Variants in SNTG1 observed in about 807,000 individuals in gnomAD.
SNTG1 encodes gamma-1-syntrophin.
In SNTG1, 39 loss-of-function variants were observed where a neutral mutation model predicts 74.7. That is an observed-to-expected ratio of 0.52 (90% CI 0.40 to 0.68). SNTG1 has a LOEUF of 0.68. SNTG1 is among the 30% of genes least tolerant of loss of function. The probability of loss-of-function intolerance (pLI) is 0.00; values close to 1 mark genes in which losing one functional copy is unlikely to be tolerated. For synonymous variants in SNTG1, 254 were observed against 217.1 expected (o/e 1.17, Z -1.49); for missense variants, 685 against 609.5 (o/e 1.12, Z -1.30).
chr8:50,116,351 T>A (rs2080820566), intron 1 of SNTG1, among the ~76,000 whole-genome samples: 1 of 152,178 alleles, frequency 6.6e-6, no homozygotes, highest in African/African-American at 2.4e-5. Flanking sequence ...AATTTCAGCA[T>A]AAAATTTGTC....
At chr8:50,148,477 A>C (rs746409827) in intron 1 of SNTG1, among the ~76,000 whole-genome samples, 11 of 152,188 alleles carry the variant, frequency 7.2e-5, no homozygotes, top group Non-Finnish European at 1.6e-4. Context: ...TTACATATGT[A>C]TACATATGCC....
chr8:50,628,790 AACTT>A (rs1157325644), intron 13 of SNTG1, among the ~76,000 whole-genome samples: 1 of 152,182 alleles, frequency 6.6e-6, no homozygotes, highest in Admixed American at 6.5e-5. Flanking sequence ...TTTGAAGTAA[AACTT>A]AGAATGACAT....
intron 2 of SNTG1, among the ~76,000 whole-genome samples, chr8:50,330,711 G>A (rs1271157902): frequency 6.6e-6 from 1 of 152,166 alleles, no homozygotes; most frequent in East Asian, 1.9e-4. Context: ...GGCTGGGGAG[G>A]CCTCAGGAAA....
intron 1 of SNTG1, among the ~76,000 whole-genome samples, chr8:49,928,021 C>CG (rs1392542321): frequency 6.6e-6 from 1 of 151,202 alleles, no homozygotes; most frequent in Admixed American, 6.6e-5. Flanking sequence ...CCCAGCTACT[C>CG]GGGGGGCTGA....
intron 2 of SNTG1, among the ~76,000 whole-genome samples, chr8:50,268,329 G>A (rs987216769): frequency 6.6e-6 from 1 of 152,076 alleles, no homozygotes; most frequent in Non-Finnish European, 1.5e-5. Context: ...CACAGTAAAG[G>A]TGCCAATTCA....
At chr8:50,368,898 A>G (rs1350778323) in intron 2 of SNTG1, among the ~76,000 whole-genome samples, 1 of 152,130 alleles carries the variant, frequency 6.6e-6, no homozygotes, top group Non-Finnish European at 1.5e-5. Flanking sequence ...TGCCTCTCCC[A>G]TTATTGTATT....
intron 8 of SNTG1, among the ~76,000 whole-genome samples, chr8:50,455,565 C>T (rs2093497355): frequency 6.6e-6 from 1 of 152,106 alleles, no homozygotes; most frequent in African/African-American, 2.4e-5. Flanking sequence ...AAACCTAATG[C>T]AAAAATCCTG....
At chr8:50,522,243 G>C (rs1320756174) in intron 9 of SNTG1, among the ~76,000 whole-genome samples, 1 of 152,022 alleles carries the variant, frequency 6.6e-6, no homozygotes, top group African/African-American at 2.4e-5. Flanking sequence ...AGTAGTCTTG[G>C]GTGTCCAGGA....
chr8:50,702,934 TA>T (rs947957838), intron 15 of SNTG1, among the ~76,000 whole-genome samples: 78 of 150,104 alleles, frequency 5.2e-4, no homozygotes, highest in East Asian at 9.8e-4. Flanking sequence ...CTAAAAGATT[TA>T]AAAAAAAAAT....
chr8:50,218,499 C>G (rs2084905141), intron 2 of SNTG1, among the ~76,000 whole-genome samples: 1 of 151,678 alleles, frequency 6.6e-6, no homozygotes, highest in Non-Finnish European at 1.5e-5. Flanking sequence ...AACTATTTTT[C>G]TTAAAGGCAT....
chr8:50,660,241 G>GGAAGGAAA (rs2095211827), intron 15 of SNTG1, among the ~76,000 whole-genome samples: 1 of 144,200 alleles, frequency 6.9e-6, no homozygotes, highest in Admixed American at 7.1e-5. Flanking sequence ...AAGGAAAGAA[G>GGAAGGAAA]GAAGGAAAGA....
At chr8:50,760,965 G>A (rs1290638383) in intron 18 of SNTG1, among the ~76,000 whole-genome samples, 1 of 151,898 alleles carries the variant, frequency 6.6e-6, no homozygotes, top group Non-Finnish European at 1.5e-5. Context: ...CTGGTACCAT[G>A]CCTTCTGAAA....
intron 8 of SNTG1, among the ~76,000 whole-genome samples, chr8:50,454,453 C>T (rs2093484850): frequency 6.6e-6 from 1 of 152,072 alleles, no homozygotes; most frequent in Non-Finnish European, 1.5e-5. Context: ...GCTGAGATCA[C>T]ACCACTGCAC....
chr8:50,515,106 A>G (rs2094119769), intron 9 of SNTG1, among the ~76,000 whole-genome samples: 1 of 152,166 alleles, frequency 6.6e-6, no homozygotes, highest in South Asian at 2.1e-4. Context: ...TGTGCTCATC[A>G]TTAAATATAA....
intron 2 of SNTG1, among the ~76,000 whole-genome samples, chr8:50,386,533 G>T (rs1011638623): frequency 6.6e-6 from 1 of 151,896 alleles, no homozygotes; most frequent in Non-Finnish European, 1.5e-5. Flanking sequence ...CATTTGTATT[G>T]CTATAAAGGA....
chr8:50,384,215 G>T (rs1345292237), intron 2 of SNTG1, among the ~76,000 whole-genome samples: 1 of 152,136 alleles, frequency 6.6e-6, no homozygotes, highest in Non-Finnish European at 1.5e-5. Context: ...AAAGGCCATT[G>T]CACTGCTCTA....
Position 50,734,016 on chromosome 8 carries a change from T to A in SNTG1, c.1285-17985T>A, listed in dbSNP as rs80165152. Reference sequence around the variant, plus strand: ...ATAACTTAGATTGCTTAAATTACTTTACTTTTTGAAATATGAGAGATTTGC... The same window carrying A: ...ATAACTTAGATTGCTTAAATTACTTAACTTTTTGAAATATGAGAGATTTGC... On this transcript the variant is annotated intron_variant, in intron 17 of 18. Transcript: ENST00000642720. Among the ~76,000 whole-genome samples, 194 of 151,954 alleles carry A rather than the reference T, an allele frequency of 1.3e-3. 3 individuals are homozygous for A. In the East Asian group the frequency reaches 0.036, roughly 28 times the overall value.
At chr8:50,664,251 G>A (rs1275242088) in intron 15 of SNTG1, among the ~76,000 whole-genome samples, 1 of 152,164 alleles carries the variant, frequency 6.6e-6, no homozygotes, top group African/African-American at 2.4e-5. Flanking sequence ...GACCTCTGGT[G>A]CCTGCCAACA....
In SNTG1 at chr8:50,570,781, T is replaced by C. The variant is rs181364125; in HGVS notation, c.810+17602T>C. Among the ~76,000 whole-genome samples, 406 of 151,660 alleles carry C rather than the reference T, an allele frequency of 2.7e-3. 3 individuals are homozygous for C. The highest frequency in any genetic ancestry group is 0.025 in the Admixed American group (383 of 15,216). ...CACCGTGCCTGTAGAATTTTTGTAT[T>C]TTTTAGTAGAGACAGGGTTTCACCA... On this transcript the variant is annotated intron_variant, in intron 12 of 18. Transcript: ENST00000642720.
Sources: gnomAD v4.1 joint callset for allele counts (sites outside exome capture counted in the v4.1 genomes callset) on GRCh38, gnomAD v4.1.1 for gene constraint, MANE v1.5 for transcripts, NCBI Gene and HGNC (gene_info 2026-07-23, HGNC 2026-07-21) for gene names.